Variants in SRGAP3 observed in about 807,000 individuals in gnomAD.
The protein encoded by SRGAP3 is SLIT-ROBO Rho GTPase-activating protein 3.
A neutral mutation model predicts 121.1 loss-of-function variants in SRGAP3; 39 were observed. That is an observed-to-expected ratio of 0.32 (90% CI 0.25 to 0.42). SRGAP3 has a LOEUF of 0.42. Among genes scored for constraint, SRGAP3 ranks in the 10% least tolerant of loss-of-function variants. The probability of loss-of-function intolerance (pLI) is 1.00; values close to 1 mark genes in which losing one functional copy is unlikely to be tolerated. For missense variants in SRGAP3, 1,213 were observed against 1,470.6 expected, an observed-to-expected ratio of 0.82 and a Z score of 2.86; for synonymous variants, 601 against 570.0, an observed-to-expected ratio of 1.05 and a Z score of -0.77.
chr3:9,363,001 G>C (rs886759418), exon 1 of SRGAP3: 6 of 152,220 alleles, frequency 3.9e-5, no homozygotes, highest in African/African-American at 1.2e-4. Flanking sequence ...GGGGGAACCC[G>C]CCGCCAGCGC....
intron 3 of SRGAP3, among the ~76,000 whole-genome samples, chr3:9,277,874 G>A (rs1448019870): frequency 6.6e-6 from 1 of 152,180 alleles, no homozygotes; most frequent in East Asian, 1.9e-4. Flanking sequence ...AGTATTAGGA[G>A]ATAGGACCTT....
chr3:9,215,904 C>T (rs913855805), intron 1 of SRGAP3, among the ~76,000 whole-genome samples: 1 of 152,208 alleles, frequency 6.6e-6, no homozygotes, highest in African/African-American at 2.4e-5. Context: ...TCCTGGATTC[C>T]CTGGATCTCC....
At chr3:9,232,624 CA>C (rs373139595) in intron 1 of SRGAP3, among the ~76,000 whole-genome samples, 2 of 151,804 alleles carry the variant, frequency 1.3e-5, no homozygotes, top group Admixed American at 6.6e-5. Context: ...CTTTTGCTTT[CA>C]AAAAAAAGAT....
chr3:9,354,937 A>T (rs971667723), intron 1 of SRGAP3, among the ~76,000 whole-genome samples: 3 of 152,176 alleles, frequency 2.0e-5, no homozygotes, highest in Admixed American at 6.5e-5. Context: ...TTCTAGCAAG[A>T]TCCATTTTAG....
chr3:9,205,778 T>C (rs1952245496), intron 1 of SRGAP3, among the ~76,000 whole-genome samples: 1 of 152,156 alleles, frequency 6.6e-6, no homozygotes, highest in African/African-American at 2.4e-5. Flanking sequence ...AGCCATACAA[T>C]AGGATATTAT....
At chr3:9,173,866 C>A (rs1192975884) in intron 1 of SRGAP3, among the ~76,000 whole-genome samples, 1 of 152,196 alleles carries the variant, frequency 6.6e-6, no homozygotes, top group Non-Finnish European at 1.5e-5. Flanking sequence ...AACATTACCC[C>A]CAGAGCATGG....
At chr3:9,034,949 T>C (rs1387709102) in intron 11 of SRGAP3, 1 of 152,188 alleles carries the variant, frequency 6.6e-6, no homozygotes, top group Non-Finnish European at 1.5e-5. Flanking sequence ...CCTTATCACA[T>C]TGCATGACAA....
chr3:9,209,166 A>T (rs434719), intron 1 of SRGAP3, among the ~76,000 whole-genome samples: 2,219 of 152,334 alleles, frequency 0.015, 35 homozygotes, highest in African/African-American at 0.038. Flanking sequence ...TAGCTAAGTG[A>T]TACTGTAAAA....
At chr3:9,090,343 G>A (rs1947700506) in intron 3 of SRGAP3, among the ~76,000 whole-genome samples, 1 of 151,866 alleles carries the variant, frequency 6.6e-6, no homozygotes, top group African/African-American at 2.4e-5. Context: ...TCAGCATTGT[G>A]CAGAGCAGTA....
chr3:9,093,239 CT>C (rs1947828877), intron 3 of SRGAP3, among the ~76,000 whole-genome samples: 1 of 152,168 alleles, frequency 6.6e-6, no homozygotes, highest in Admixed American at 6.5e-5. Context: ...TCACTTTAAC[CT>C]CTTTGTCATT....
chr3:9,095,312 T>C (rs1046907922), intron 3 of SRGAP3, among the ~76,000 whole-genome samples: 2 of 152,090 alleles, frequency 1.3e-5, no homozygotes, highest in African/African-American at 4.8e-5. Flanking sequence ...TTTTCTTTTA[T>C]GGTTTGTGCT....
intron 4 of SRGAP3, among the ~76,000 whole-genome samples, chr3:9,078,335 G>A (rs554700108): frequency 6.6e-6 from 1 of 152,222 alleles, no homozygotes; most frequent in East Asian, 1.9e-4. Context: ...TCAAAGTGGA[G>A]CCTGAGGAAC....
At chr3:9,089,218 C>T (rs73811429) in intron 3 of SRGAP3, among the ~76,000 whole-genome samples, 1 of 142,980 alleles carries the variant, frequency 7.0e-6, no homozygotes, top group Non-Finnish European at 1.5e-5. Context: ...CAAAGTCACT[C>T]CCATGTGTTA....
At chr3:9,169,023 C>A (rs896800727) in intron 1 of SRGAP3, among the ~76,000 whole-genome samples, 1 of 152,134 alleles carries the variant, frequency 6.6e-6, no homozygotes, top group African/African-American at 2.4e-5. Context: ...CCTTGTGGAC[C>A]CTTGTGCAGT....
intron 3 of SRGAP3, among the ~76,000 whole-genome samples, chr3:9,086,034 C>T (rs1947455450): frequency 6.6e-6 from 1 of 152,212 alleles, no homozygotes. Flanking sequence ...GCCTGCATCA[C>T]AGCTCGACCT....
intron 2 of SRGAP3, among the ~76,000 whole-genome samples, chr3:9,107,482 G>A (rs558448074): frequency 1.3e-5 from 2 of 152,184 alleles, no homozygotes; most frequent in Non-Finnish European, 2.9e-5. Flanking sequence ...CCCTCTGCCT[G>A]GAATACCACA....
In SRGAP3 at chr3:8,982,739, G is replaced by A. The variant is rs1941484323; in HGVS notation, c.*2780C>T. 2 of 217,848 alleles carry A rather than the reference G, an allele frequency of 9.2e-6. No individual in the cohort carries two copies. Among genetic ancestry groups the A allele is most frequent in the Admixed American group, 5.8e-5 (1 of 17,148 alleles). The allele number at this position is 217,848 out of a possible 1,614,324, so 13.5% of individuals were successfully genotyped here. A position where few individuals can be genotyped will look rare whatever the true frequency, so the allele number is the denominator to read the frequency against. On this transcript the variant is annotated 3_prime_UTR_variant, in exon 22 of 22. Coordinates refer to ENST00000383836, the MANE Select transcript of SRGAP3 (RefSeq NM_014850.4). ...GGGGCGGGAAAGTATTTTTCCACTT[G>A]GCCTGCGTCAAGGCTCAGATCTGGG...
intron 1 of SRGAP3, among the ~76,000 whole-genome samples, chr3:9,201,110 C>T (rs1382260310): frequency 1.3e-5 from 2 of 152,166 alleles, no homozygotes; most frequent in Non-Finnish European, 1.5e-5. Flanking sequence ...CAGGCACACA[C>T]CATTTTGTTG....
intron 1 of SRGAP3, among the ~76,000 whole-genome samples, chr3:9,345,551 G>A (rs780916688): frequency 2.0e-5 from 3 of 151,150 alleles, no homozygotes; most frequent in Admixed American, 6.6e-5. Flanking sequence ...GGGAGGCCGA[G>A]GAAGGTGGAT....
Sources: allele counts gnomAD v4.1 joint callset (sites outside exome capture counted in the v4.1 genomes callset), GRCh38; gene constraint gnomAD v4.1.1; transcripts MANE v1.5; gene names NCBI Gene and HGNC (gene_info 2026-07-23, HGNC 2026-07-21).